The following FDX2 variants were observed in gnomAD, a reference collection of about 807,000 sequenced individuals.
FDX2 encodes ferredoxin-2, mitochondrial.
Under a neutral mutation model 18.5 loss-of-function variants are expected in FDX2, and 13 were observed. The ratio of observed to expected loss-of-function variants is 0.70; its 90% CI spans 0.46 to 1.12. The LOEUF (loss-of-function observed/expected upper bound fraction) is 1.12, where lower values mean the gene tolerates loss of function less well. Ranked by LOEUF, FDX2 falls within the 50% of genes most tolerant of loss-of-function variation. The pLI, the probability that FDX2 is intolerant of heterozygous loss-of-function variation, is 0.00. For missense variants in FDX2, 238 were observed against 250.4 expected (o/e 0.95, Z 0.34); for synonymous variants, 132 against 106.2 (o/e 1.24, Z -1.49).
chr19:10,310,432 C>T lies in FDX2; in HGVS notation c.*54G>A, dbSNP rs1175002142. On this transcript the variant is annotated 3_prime_UTR_variant, in exon 5 of 5. Transcript: ENST00000393708. The stretch of plus-strand genomic sequence containing the variant: ...TGGGCAGGGCTGGCACCTGGCTATT[C>T]CCTCAATCTGGGCCCTGGGGCCATG... 3.7e-5 allele frequency: 60 copies of T among 1,610,884 alleles called. No individual in the cohort carries two copies. Among genetic ancestry groups the T allele is most frequent in the Non-Finnish European group, 4.6e-5 (54 of 1,177,812 alleles).
At chr19:10,315,827 T>G in intron 1 of FDX2, 25 bp downstream of exon 1, 1 of 1,598,488 alleles carries the variant, frequency 6.3e-7, no homozygotes, top group Non-Finnish European at 8.5e-7. Context: ...GGATTAACGC[T>G]GCCCGCCCCG....
At chr19:10,314,827 G>C (rs2040360985) in intron 3 of FDX2, among the ~76,000 whole-genome samples, 1 of 152,234 alleles carries the variant, frequency 6.6e-6, no homozygotes. Context: ...GTGTGGGCTG[G>C]GCGCGGTGGC....
At chr19:10,315,575 T>G (rs1231578865) in intron 2 of FDX2, 83 bp from the exon 3 acceptor site, 4 of 1,543,510 alleles carry the variant, frequency 2.6e-6, no homozygotes, top group Non-Finnish European at 3.5e-6. Flanking sequence ...AAGTAGGAAT[T>G]GAGGCTTGAC....
chr19:10,315,679 T>TGG, intron 2 of FDX2, 26 bp downstream of exon 2: 1 of 1,545,108 alleles, frequency 6.5e-7, no homozygotes, highest in South Asian at 1.2e-5. Context: ...GGATGAGGAA[T>TGG]GGGGGACTTG....
In FDX2 at chr19:10,315,386, C is replaced by A; in HGVS notation, c.316G>T (p.Gly106Trp). 1 of 1,603,682 alleles carries A rather than the reference C, an allele frequency of 6.2e-7. No homozygotes were observed. The change falls in exon 3 of 5, where the codon GGG becomes TGG. Residue 106 changes from glycine (G) to tryptophan (W), a missense_variant and splice_region_variant. Transcript: ENST00000393708. Reference sequence around the variant, plus strand: ...TTAATTCCCTCTGCCCGGTTCCTACCTTCCAGGTCCACCCCGTGGCGCTGG... The same window carrying A: ...TTAATTCCCTCTGCCCGGTTCCTACATTCCAGGTCCACCCCGTGGCGCTGG...
chr19:10,310,358 G>T lies in FDX2; in HGVS notation c.*128C>A. On this transcript the variant is annotated 3_prime_UTR_variant, in exon 5 of 5. Coordinates refer to ENST00000393708, the MANE Select transcript of FDX2 (RefSeq NM_001031734.4). ...ATGGGACTCTCTCCCAAGCAGGGGT[G>T]TTGTCCTTCACAGGGGCTTCCACGT... The T allele has an allele frequency of 7.7e-7, 1 of 1,296,940 alleles. No homozygotes were observed. The highest frequency in any genetic ancestry group is 1.1e-6 in the Non-Finnish European group (1 of 937,688). 80.3% of individuals were successfully genotyped at this position (1,296,940 alleles called of 1,614,324 possible). A position where few individuals can be genotyped will look rare whatever the true frequency, so the allele number is the denominator to read the frequency against.
At chr19:10,315,078 C>T (rs1231794297) in intron 3 of FDX2, among the ~76,000 whole-genome samples, 1 of 152,042 alleles carries the variant, frequency 6.6e-6, no homozygotes, top group Non-Finnish European at 1.5e-5. Flanking sequence ...GCACTCCAGC[C>T]TGGGCAACAA....
chr19:10,314,076 C>T (rs1178376020), intron 3 of FDX2, among the ~76,000 whole-genome samples: 1 of 151,574 alleles, frequency 6.6e-6, no homozygotes, highest in Non-Finnish European at 1.5e-5. Context: ...CTCTGCCTCC[C>T]AAGTTCAAGT....
chr19:10,315,220 A>T (rs1417109494), intron 3 of FDX2, 166 bp downstream of exon 3: 1 of 596,628 alleles, frequency 1.7e-6, no homozygotes, highest in Non-Finnish European at 2.9e-6. Flanking sequence ...AATGCTTAAC[A>T]AATAAGAGCT....
Position 10,315,320 on chromosome 19 carries a change from T to TTTG in FDX2, c.316+65_316+66insCAA, listed in dbSNP as rs2040369351. The TTTG allele has an allele frequency of 2.6e-4, 98 of 377,656 alleles. 4 individuals carry two copies. The Admixed American group carries it at 3.7e-3, about 14-fold the overall frequency. 23.4% of individuals were successfully genotyped at this position (377,656 alleles called of 1,614,324 possible). On this transcript the variant is annotated intron_variant, in intron 3 of 4. Coordinates refer to ENST00000393708, the MANE Select transcript of FDX2 (RefSeq NM_001031734.4). Reference sequence around the variant, plus strand: ...TGAAGAGACACACCTAATTTGTGGGTTTTTTTTTTTTTTTTTTTGGACAAA... The same window carrying TTTG: ...TGAAGAGACACACCTAATTTGTGGGTTTGTTTTTTTTTTTTTTTTTTGGACAAA...
intron 3 of FDX2, 103 bp downstream of exon 3, chr19:10,315,283 G>T (rs1262274286): frequency 1.1e-6 from 1 of 918,296 alleles, no homozygotes; most frequent in Non-Finnish European, 1.6e-6. Context: ...CATATTTGGT[G>T]GGAAAAAGAC....
chr19:10,315,710 C>CCCGGGCCGCT lies in FDX2; in HGVS notation c.194_203dup (p.Asp69AlafsTer44). The CCCGGGCCGCT allele has an allele frequency of 1.9e-6, 3 of 1,551,014 alleles. No individual in the cohort carries two copies. Among genetic ancestry groups the CCCGGGCCGCT allele is most frequent in the Non-Finnish European group, 2.6e-6 (3 of 1,148,178 alleles). On this transcript the variant is annotated frameshift_variant, in exon 2 of 5. Coordinates refer to ENST00000393708, the MANE Select transcript of FDX2 (RefSeq NM_001031734.4). LOFTEE classifies it high-confidence loss of function. ...ACTTGGCCCCCTGCACTCACACGTC[C>CCCGGGCCGCT]CCGGGCCGCTCCGGGCCGCCCGCGT...
intron 4 of FDX2, 85 bp downstream of exon 4, chr19:10,310,768 C>T: frequency 6.6e-7 from 1 of 1,518,548 alleles, no homozygotes; most frequent in South Asian, 1.2e-5. Context: ...AGCTCCCATT[C>T]CAGGAACTGG....
At position 10,315,907 on chromosome 19, in the gene FDX2, A is replaced by T; in HGVS notation, c.99T>A (p.Thr33=). The T allele has an allele frequency of 6.7e-7, 1 of 1,496,684 alleles. No individual in the cohort carries two copies. The highest frequency in any genetic ancestry group is 9.1e-7 in the Non-Finnish European group (1 of 1,100,802). 92.7% of individuals were successfully genotyped at this position (1,496,684 alleles called of 1,614,324 possible). A position where few individuals can be genotyped will look rare whatever the true frequency, so the allele number is the denominator to read the frequency against. Residue 33 remains threonine (T), a synonymous_variant, in exon 1 of 5, where the codon ACT becomes ACA. Transcript: ENST00000393708. ...GCGCCACCCCCTCCCCCGACCCGGA[A>T]GTGCCCCCAGGTCTGTTCCACCAGG...
intron 3 of FDX2, among the ~76,000 whole-genome samples, chr19:10,314,275 T>C (rs430092): frequency 0.84 from 127,358 of 152,238 alleles, 53,857 homozygotes; most frequent in African/African-American, 0.92. Flanking sequence ...TGAGCCACTG[T>C]GCCTGGACAA....
intron 3 of FDX2, 124 bp from the exon 4 acceptor site, chr19:10,311,064 C>T (rs1389090983): frequency 4.6e-6 from 3 of 645,408 alleles, no homozygotes; most frequent in African/African-American, 3.7e-5. Context: ...CCTGGGCCTG[C>T]AGCTCCACTG....
chr19:10,315,658 G>A (rs2040374887), intron 2 of FDX2, 47 bp downstream of exon 2: 11 of 1,541,338 alleles, frequency 7.1e-6, no homozygotes, highest in Non-Finnish European at 9.6e-6. Context: ...GGGGACCAGA[G>A]GAATTCCGTG....
chr19:10,310,335 G>C lies in FDX2; in HGVS notation c.*151C>G. ...CCTGTCCCCACCAGAGCCTGGACAT[G>C]GGACTCTCTCCCAAGCAGGGGTGTT... On this transcript the variant is annotated 3_prime_UTR_variant, in exon 5 of 5. Transcript: ENST00000393708. 9.0e-7 allele frequency: 1 copy of C among 1,114,482 alleles called. No individual in the cohort carries two copies. Among genetic ancestry groups the C allele is most frequent in the Non-Finnish European group, 1.3e-6 (1 of 787,548 alleles). The allele number at this position is 1,114,482 out of a possible 1,614,324, so 69.0% of individuals were successfully genotyped here.
Position 10,310,103 on chromosome 19 carries a change from G to GAT in FDX2, c.*382_*383insAT. 4.5e-6 allele frequency: 1 copy of GAT among 221,108 alleles called. No homozygotes were observed. Among genetic ancestry groups the GAT allele is most frequent in the Admixed American group, 5.1e-5 (1 of 19,560 alleles). The allele number at this position is 221,108 out of a possible 1,614,324, so 13.7% of individuals were successfully genotyped here. ...GCCATGTTGCCCAGGATGGTCTTAAGCTCCTGGCCTCAAGTGATCCTCCCA... is the reference window on the plus strand; with the variant it reads ...GCCATGTTGCCCAGGATGGTCTTAAGATCTCCTGGCCTCAAGTGATCCTCCCA... On this transcript the variant is annotated 3_prime_UTR_variant, in exon 5 of 5. Coordinates refer to ENST00000393708, the MANE Select transcript of FDX2 (RefSeq NM_001031734.4).
Sources: gnomAD v4.1 joint callset for allele counts (sites outside exome capture counted in the v4.1 genomes callset) on GRCh38, gnomAD v4.1.1 for gene constraint, MANE v1.5 for transcripts, NCBI Gene and HGNC (gene_info 2026-07-23, HGNC 2026-07-21) for gene names.